The following GLA variants were observed in gnomAD, a reference collection of about 807,000 sequenced individuals.
GLA encodes alpha-galactosidase A.
Under a neutral mutation model 28.2 loss-of-function variants are expected in GLA, and 4 were observed. That is an observed-to-expected ratio of 0.14 (90% confidence interval 0.07 to 0.32). GLA has a LOEUF of 0.32. GLA is among the 10% of genes least tolerant of loss of function. GLA has a pLI of 1.00. For missense variants in GLA, 203 were observed against 323.7 expected, an observed-to-expected ratio of 0.63 and a Z score of 2.86; for synonymous variants, 94 against 113.0, an observed-to-expected ratio of 0.83 and a Z score of 1.07.
At chrX:101,403,725 G>A (rs1030969139) in intron 2 of GLA, 86 bp downstream of exon 2, 49 of 956,675 alleles carry the variant, frequency 5.1e-5, no homozygotes, top group Middle Eastern at 7.0e-4. Flanking sequence ...CACCACGCCC[G>A]GCCATGAGGG....
In GLA at chrX:101,398,831, C is replaced by G. The variant is rs147026639; in HGVS notation, c.755G>C (p.Arg252Thr). The stretch of plus-strand genomic sequence containing the variant: ...CCCTGGTCCAGCAACATCAACAATT[C>G]TCTCCTGGTTAAAAGATGTCCAGTC... ...ILDWTSFNQE[R>T]IVDVAGPGGW... is the part of the protein sequence containing the mutation. The change falls in exon 5 of 7, where the codon AGA becomes ACA. Residue 252 changes from arginine to threonine, a missense_variant. Arg to Thr is a moderately conservative substitution (Grantham distance 71, BLOSUM62 -1). Transcript: ENST00000218516. The G allele has an allele frequency of 1.1e-5, 13 of 1,209,239 alleles. No homozygotes were observed. Among genetic ancestry groups the G allele is most frequent in the Non-Finnish European group, 1.5e-5 (13 of 894,329 alleles).
In GLA at chrX:101,407,872, C is replaced by G. The variant is rs782498765; in HGVS notation, c.32G>C (p.Gly11Ala). 1 of 1,210,003 alleles carries G rather than the reference C, an allele frequency of 8.3e-7. No individual in the cohort carries two copies. The highest frequency in any genetic ancestry group is 3.0e-5 in the East Asian group (1 of 33,782). The part of the protein sequence containing the change: MQLRNPELHL[G>A]CALALRFLAL... ...CAGGAAGCGAAGCGCAAGCGCGCAG[C>G]CCAGATGTAGTTCTGGGTTCCTCAG... The change falls in exon 1 of 7, where the codon GGC becomes GCC. Residue 11 changes from glycine to alanine, a missense_variant. Gly to Ala is a moderately conservative substitution (Grantham distance 60). This residue lies in a region of GLA where 30 missense variants were observed against 32.2 expected (regional missense o/e 0.93). Transcript: ENST00000218516.
chrX:101,405,459 T>A (rs979749265), intron 1 of GLA, among the ~76,000 whole-genome samples: 13 of 111,088 alleles, frequency 1.2e-4, no homozygotes, highest in Middle Eastern at 4.2e-3. Context: ...TCCACAAAAA[T>A]ACTAGTAAGA....
intron 5 of GLA, 25 bp downstream of exon 5, chrX:101,398,760 G>C (rs782353057): frequency 1.7e-6 from 2 of 1,201,711 alleles, no homozygotes; most frequent in South Asian, 1.8e-5. Context: ...GCAGGGTCTT[G>C]AACAAGGAGG....
intron 4 of GLA, among the ~76,000 whole-genome samples, chrX:101,399,255 A>G (rs1928210362): frequency 8.9e-6 from 1 of 112,813 alleles, no homozygotes; most frequent in South Asian, 3.6e-4. Flanking sequence ...CCAGGCATAT[A>G]GTTTGTTAAT....
At chrX:101,401,449 A>T (rs1219318456) in intron 3 of GLA, 183 bp downstream of exon 3, 2 of 500,647 alleles carry the variant, frequency 4.0e-6, no homozygotes, top group African/African-American at 2.4e-5. Context: ...CATGGATTTT[A>T]CATGAATTAA....
intron 1 of GLA, among the ~76,000 whole-genome samples, chrX:101,407,382 A>T (rs1457729006): frequency 5.4e-5 from 6 of 110,985 alleles, no homozygotes; most frequent in African/African-American, 2.0e-4. Context: ...CTGCTCTGCA[A>T]GGAGCAGTGA....
At position 101,403,692 on chromosome X, in the gene GLA, G is replaced by T. The variant is rs1044974166; in HGVS notation, c.369+119C>A. On this transcript the variant is annotated intron_variant, in intron 2 of 6. Transcript: ENST00000218516. ...GATCCACCCGCCTCGGCCTCCCAAA[G>T]TGTTGGGATTACAGGCGTGAGCCAC... is the stretch of plus-strand genomic sequence containing the variant. 12 of 693,735 alleles carry T rather than the reference G, an allele frequency of 1.7e-5. 1 individual carries two copies. The South Asian group carries it at 2.6e-4, about 15-fold the overall frequency. 57.2% of individuals were successfully genotyped at this position (693,735 alleles called of 1,213,427 possible).
intron 3 of GLA, chrX:101,400,981 A>G: frequency 7.7e-6 from 2 of 259,066 alleles, no homozygotes; most frequent in Non-Finnish European, 1.4e-5. Context: ...GATTACAGGC[A>G]TGTGCCACCA....
At chrX:101,402,312 A>G (rs1928344768) in intron 2 of GLA, among the ~76,000 whole-genome samples, 1 of 111,822 alleles carries the variant, frequency 8.9e-6, no homozygotes, top group Non-Finnish European at 1.9e-5. Flanking sequence ...GTTTAAGTAC[A>G]TGAAGCTTTA....
intron 1 of GLA, among the ~76,000 whole-genome samples, chrX:101,407,490 G>GAGAGAGA (rs1555987048): frequency 9.0e-6 from 1 of 111,273 alleles, no homozygotes. Flanking sequence ...GAAAGAAACA[G>GAGAGAGA]GGGCCGCTGG....
rs1928115296 is a variant in GLA at position 101,397,847 on chromosome X, C to G, written c.1252G>C (p.Glu418Gln). The G allele has an allele frequency of 8.3e-7, 1 of 1,206,534 alleles. No individual in the cohort carries two copies. Among genetic ancestry groups the G allele is most frequent in the Non-Finnish European group, 1.1e-6 (1 of 891,400 alleles). Residue 418 changes from glutamate to glutamine, a missense_variant, in exon 7 of 7, where the codon GAA (glutamate) becomes CAA (glutamine). Glu to Gln is a conservative substitution (Grantham distance 29, BLOSUM62 2). Around this residue, in one of 3 missense-constraint regions of GLA, gnomAD observed 162 missense variants for 246.8 expected, o/e 0.66. Coordinates refer to ENST00000218516, the MANE Select transcript of GLA (RefSeq NM_000169.3). ...NPTGTVLLQL[E>Q]NTMQMSLKDL... ...TTTAATGACATCTGCATTGTATTTT[C>G]TAGCTGAAGCAAAACAGTGCCTGTG... is the stretch of plus-strand genomic sequence containing the variant.
chrX:101,404,910 A>C (rs1928447466), intron 1 of GLA, among the ~76,000 whole-genome samples: 1 of 110,526 alleles, frequency 9.0e-6, no homozygotes, highest in Non-Finnish European at 1.9e-5. Context: ...CATTACAAAA[A>C]GTTCACCTAA....
rs1928130384 is a variant in GLA at position 101,398,003 on chromosome X, T to C, written c.1096A>G (p.Thr366Ala). ...RQEIGGPRSY[T>A]IAVASLGKGV... ...TTACCCAGGGAAGCAACTGCGATGG[T>C]ATAAGAGCGAGGTCCACCAATCTCC... The change falls in exon 7 of 7, where the codon ACC becomes GCC. Residue 366 changes from threonine to alanine, a missense_variant. Physicochemically the swap from Thr to Ala is moderately conservative, Grantham distance 58 (BLOSUM62 0). Coordinates refer to ENST00000218516, the MANE Select transcript of GLA (RefSeq NM_000169.3). The C allele has an allele frequency of 8.3e-7, 1 of 1,208,488 alleles. No homozygotes were observed. The highest frequency in any genetic ancestry group is 2.2e-5 in the Admixed American group (1 of 45,760).
At chrX:101,402,636 G>A (rs190711365) in intron 2 of GLA, among the ~76,000 whole-genome samples, 3 of 111,254 alleles carry the variant, frequency 2.7e-5, no homozygotes, top group Non-Finnish European at 5.7e-5. Context: ...GGTGGTGTGC[G>A]CCTGTAGTCC....
Position 101,400,660 on chromosome X carries a change from T to C in GLA, c.639+6A>G. The C allele has an allele frequency of 9.4e-7, 1 of 1,061,165 alleles. No homozygotes were observed. Among genetic ancestry groups the C allele is most frequent in the Non-Finnish European group, 1.3e-6 (1 of 759,166 alleles). The allele number at this position is 1,061,165 out of a possible 1,213,427, so 87.5% of individuals were successfully genotyped here. ...GTTCTATTGGATTCTGGGCTCACTA[T>C]CTCACCTTTTGAAAGGGCCACATAT... On this transcript the variant is annotated splice_donor_region_variant and intron_variant, in intron 4 of 6. Coordinates refer to ENST00000218516, the MANE Select transcript of GLA (RefSeq NM_000169.3).
Position 101,398,861 on chromosome X carries a change from A to G in GLA, c.725T>C (p.Ile242Thr), listed in dbSNP as rs1928191733. The change falls in exon 5 of 7, where the codon ATC becomes ACC. Residue 242 changes from isoleucine to threonine, a missense_variant. Coordinates refer to ENST00000218516, the MANE Select transcript of GLA (RefSeq NM_000169.3). ...CTGGTTAAAAGATGTCCAGTCCAAGATACTCTTTATACTTTTCCAGGAATC... is the reference window on the plus strand; with the variant it reads ...CTGGTTAAAAGATGTCCAGTCCAAGGTACTCTTTATACTTTTCCAGGAATC... The part of the protein sequence containing the change: ...IDDSWKSIKS[I>T]LDWTSFNQER... 8.3e-7 allele frequency: 1 copy of G among 1,205,393 alleles called. No homozygotes were observed.
intron 6 of GLA, 75 bp downstream of exon 6, chrX:101,398,292 GAAA>G: frequency 1.2e-6 from 1 of 847,102 alleles, no homozygotes; most frequent in Non-Finnish European, 1.8e-6. Flanking sequence ...AAGAGCAAGG[GAAA>G]AAAATAGATT....
rs781884596 is a variant in GLA at position 101,398,370 on chromosome X, C to T, written c.999G>A (p.Gln333=). 1.7e-6 allele frequency: 2 copies of T among 1,183,534 alleles called. No homozygotes were observed. Among genetic ancestry groups the T allele is most frequent in the Admixed American group, 4.4e-5 (2 of 45,964 alleles). The change falls in exon 6 of 7, where the codon CAG becomes CAA. Residue 333 remains glutamine (Q), a splice_region_variant and synonymous_variant. Transcript: ENST00000218516. ...TCTTAAAATATATACTCTTATTTAC[C>T]TGTCTAAGCTGGTACCCTTGCTTGC... ...PLGKQGYQLR[Q]GDNFEVWERP... is the part of the protein sequence containing the mutation.
Sources: gnomAD v4.1 joint callset for allele counts (sites outside exome capture counted in the v4.1 genomes callset) on GRCh38, gnomAD v4.1.1 for gene constraint, gnomAD v4.1.1 regional missense constraint, MANE v1.5 for transcripts, NCBI Gene and HGNC (gene_info 2026-07-23, HGNC 2026-07-21) for gene names.